FER1L6: variants seen among roughly 807,000 people sequenced by gnomAD.
The protein encoded by FER1L6 is fer-1-like protein 6.
A neutral mutation model predicts 219.2 loss-of-function variants in FER1L6; 177 were observed. The ratio of observed to expected loss-of-function variants is 0.81; its 90% CI spans 0.71 to 0.91. The LOEUF (loss-of-function observed/expected upper bound fraction) is 0.91, where lower values mean the gene tolerates loss of function less well. Among genes scored for constraint, FER1L6 ranks in the 40% least tolerant of loss-of-function variants. The pLI is 0.00. For missense variants in FER1L6, 2,153 were observed against 2,259.9 expected (o/e 0.95, Z 0.96); for synonymous variants, 768 against 824.3 (o/e 0.93, Z 1.17).
chr8:123,923,819 C>A (rs1364614698), intron 1 of FER1L6, among the ~76,000 whole-genome samples: 1 of 151,938 alleles, frequency 6.6e-6, no homozygotes, highest in Non-Finnish European at 1.5e-5. Flanking sequence ...TGGCTTTAAT[C>A]CCAGCTACTC....
At chr8:124,062,546 CA>C (rs1423698896) in intron 25 of FER1L6, among the ~76,000 whole-genome samples, 1 of 152,208 alleles carries the variant, frequency 6.6e-6, no homozygotes, top group Admixed American at 6.5e-5. Context: ...CTATAATTTT[CA>C]TTTGTTTTCC....
Position 124,101,202 on chromosome 8 carries a change from TC to T in FER1L6, c.4990del (p.Leu1664SerfsTer18). 6.2e-7 allele frequency: 1 copy of T among 1,613,886 alleles called. No individual in the cohort carries two copies. Among genetic ancestry groups the T allele is most frequent in the Non-Finnish European group, 8.5e-7 (1 of 1,179,970 alleles). Reference sequence around the variant, plus strand: ...GGCGCTTCCTGTTTCCCTTTCAGTATCTCCCAGCTGAGAAGCAAATGGTCAT... The same window carrying T: ...GGCGCTTCCTGTTTCCCTTTCAGTATTCCCAGCTGAGAAGCAAATGGTCAT... The part of the protein sequence containing the change: ...NWRFLFPFQY[L>X]PAEKQMVITK... On this transcript the variant is annotated frameshift_variant, in exon 38 of 41. Coordinates refer to ENST00000522917, the MANE Select transcript of FER1L6 (RefSeq NM_001039112.2). LOFTEE classifies it high-confidence loss of function.
intron 19 of FER1L6, among the ~76,000 whole-genome samples, chr8:124,038,066 G>T (rs1189866690): frequency 6.6e-6 from 1 of 152,122 alleles, no homozygotes; most frequent in Non-Finnish European, 1.5e-5. Context: ...CGATTGCCTC[G>T]TTCAGGCCTC....
intron 39 of FER1L6, among the ~76,000 whole-genome samples, chr8:124,110,712 G>C (rs973101492): frequency 6.6e-6 from 1 of 152,098 alleles, no homozygotes; most frequent in African/African-American, 2.4e-5. Context: ...TAGTTCTCAG[G>C]AGGAATTCAC....
At chr8:124,080,137 T>C (rs1045048349) in intron 32 of FER1L6, among the ~76,000 whole-genome samples, 16 of 152,162 alleles carry the variant, frequency 1.1e-4, no homozygotes, top group African/African-American at 3.6e-4. Context: ...CAATGGAACA[T>C]TGTTCCTCTG....
In FER1L6 at chr8:123,980,801, T is replaced by C. The variant is rs1026391512; in HGVS notation, c.1400T>C (p.Val467Ala). ...GAGGTGGAGGTGGAATCGTTCGATG[T>C]CCCCCCGGAGGTAGGTCTAGGCACT... Reference protein sequence around the residue: ...STEVEVESFDVPPEIVPEKNE... With the variant: ...STEVEVESFDAPPEIVPEKNE... The change falls in exon 11 of 41, where the codon GTC (valine) becomes GCC (alanine). Residue 467 changes from valine (V) to alanine (A), a missense_variant. Val to Ala is a moderately conservative substitution (Grantham distance 64). Transcript: ENST00000522917. The C allele has an allele frequency of 1.2e-6, 2 of 1,612,722 alleles. No individual in the cohort carries two copies. Among genetic ancestry groups the C allele is most frequent in the African/African-American group, 2.7e-5 (2 of 74,850 alleles).
At chr8:123,934,325 G>T (rs1331414428) in intron 1 of FER1L6, among the ~76,000 whole-genome samples, 3 of 152,054 alleles carry the variant, frequency 2.0e-5, no homozygotes, top group Non-Finnish European at 4.4e-5. Flanking sequence ...TATGTCTTTG[G>T]TCCAGGATCC....
intron 1 of FER1L6, among the ~76,000 whole-genome samples, chr8:123,891,137 A>T (rs1342299656): frequency 1.3e-5 from 2 of 152,222 alleles, no homozygotes; most frequent in Non-Finnish European, 2.9e-5. Flanking sequence ...CTTTGATCCC[A>T]AACCATTTAT....
chr8:124,082,257 C>G, intron 32 of FER1L6, 31 bp from the exon 33 acceptor site: 1 of 1,584,728 alleles, frequency 6.3e-7, no homozygotes, highest in Non-Finnish European at 8.6e-7. Flanking sequence ...CAAATGTTAA[C>G]TGACTCTTGA....
At chr8:123,896,785 T>G (rs1017298600) in intron 1 of FER1L6, among the ~76,000 whole-genome samples, 2 of 152,158 alleles carry the variant, frequency 1.3e-5, no homozygotes, top group African/African-American at 4.8e-5. Context: ...TTAAACACCA[T>G]CTATATGCTG....
At chr8:124,083,019 T>C (rs201732712) in intron 33 of FER1L6, among the ~76,000 whole-genome samples, 6 of 72,690 alleles carry the variant, frequency 8.3e-5, no homozygotes, top group Non-Finnish European at 1.2e-4. Flanking sequence ...TACACACACA[T>C]ATGGGGTATA....
At chr8:124,020,015 C>T (rs555726775) in intron 16 of FER1L6, among the ~76,000 whole-genome samples, 1 of 152,230 alleles carries the variant, frequency 6.6e-6, no homozygotes, top group East Asian at 1.9e-4. Flanking sequence ...TCATCTTGAG[C>T]TCTCACGTGT....
Position 124,023,526 on chromosome 8 carries a change from ACCT to A in FER1L6, c.2221_2223del (p.Leu741del), listed in dbSNP as rs781473450. Reference sequence around the variant, plus strand: ...GCCTATGCCCGCATCGCCTCCAAAGACCTCCTCTATTCCCCTGTCGCGGGGCAG... The same window carrying A: ...GCCTATGCCCGCATCGCCTCCAAAGACCTCTATTCCCCTGTCGCGGGGCAG... On this transcript the variant is annotated inframe_deletion, in exon 18 of 41. Coordinates refer to ENST00000522917, the MANE Select transcript of FER1L6 (RefSeq NM_001039112.2). 1 of 1,613,940 alleles carries A rather than the reference ACCT, an allele frequency of 6.2e-7. No homozygotes were observed. The highest frequency in any genetic ancestry group is 8.5e-7 in the Non-Finnish European group (1 of 1,179,962).
chr8:123,903,515 A>G (rs1028244931), intron 1 of FER1L6, among the ~76,000 whole-genome samples: 2 of 152,188 alleles, frequency 1.3e-5, no homozygotes, highest in Admixed American at 6.5e-5. Flanking sequence ...AACTCCAAGA[A>G]CAGTTTTCAT....
At chr8:124,021,779 C>A in intron 17 of FER1L6, 110 bp downstream of exon 17, 2 of 1,298,552 alleles carry the variant, frequency 1.5e-6, no homozygotes, top group South Asian at 1.4e-5. Context: ...TTCTCCCCAG[C>A]CCTAGTGGGC....
intron 1 of FER1L6, among the ~76,000 whole-genome samples, chr8:123,923,109 G>A (rs572691563): frequency 6.6e-6 from 1 of 152,304 alleles, no homozygotes; most frequent in South Asian, 2.1e-4. Context: ...TAATGACAGA[G>A]GAAAAGTTAT....
chr8:124,012,833 C>T (rs1818004640), intron 14 of FER1L6, among the ~76,000 whole-genome samples: 1 of 152,222 alleles, frequency 6.6e-6, no homozygotes, highest in Non-Finnish European at 1.5e-5. Flanking sequence ...AACACATATA[C>T]TTCCCCTTAG....
intron 1 of FER1L6, among the ~76,000 whole-genome samples, chr8:123,878,184 C>A (rs1211418085): frequency 4.6e-5 from 7 of 152,106 alleles, no homozygotes; most frequent in African/African-American, 1.4e-4. Context: ...AGAACAGACG[C>A]AGGCCAGAGG....
intron 1 of FER1L6, among the ~76,000 whole-genome samples, chr8:123,882,105 G>A (rs1405435168): frequency 6.6e-6 from 1 of 152,130 alleles, no homozygotes; most frequent in Non-Finnish European, 1.5e-5. Context: ...AAGAAAATCT[G>A]ATGTGAATGT....
Sources: allele counts gnomAD v4.1 joint callset (sites outside exome capture counted in the v4.1 genomes callset), GRCh38; gene constraint gnomAD v4.1.1; transcripts MANE v1.5; gene names NCBI Gene and HGNC (gene_info 2026-07-23, HGNC 2026-07-21).